DKK2: variants seen among roughly 807,000 people sequenced by gnomAD.
DKK2 encodes dickkopf Wnt signaling pathway inhibitor 2, also known as dickkopf-related protein 2.
In DKK2, 11 loss-of-function variants were observed where a neutral mutation model predicts 28.1. The observed-to-expected ratio is 0.39, with a 90% CI of 0.25 to 0.65. DKK2 has a LOEUF of 0.65. Among genes scored for constraint, DKK2 ranks in the 30% least tolerant of loss-of-function variants. DKK2 has a pLI of 0.47. For missense variants in DKK2, 326 were observed against 335.5 expected (o/e 0.97, Z 0.22); for synonymous variants, 135 against 126.5 (o/e 1.07, Z -0.45).
chr4:106,938,475 C>A (rs1724635852), intron 1 of DKK2, among the ~76,000 whole-genome samples: 2 of 152,134 alleles, frequency 1.3e-5, no homozygotes, highest in Non-Finnish European at 2.9e-5. Context: ...TGGCAATAAT[C>A]AATAGCTTAC....
intron 1 of DKK2, among the ~76,000 whole-genome samples, chr4:106,980,604 A>C (rs1182395960): frequency 1.3e-5 from 2 of 152,084 alleles, no homozygotes. Context: ...AAGTAATACA[A>C]TTTTTCTATA....
chr4:107,029,418 A>T (rs1723843290), intron 1 of DKK2, among the ~76,000 whole-genome samples: 1 of 152,196 alleles, frequency 6.6e-6, no homozygotes, highest in African/African-American at 2.4e-5. Context: ...ATTTATAAAA[A>T]TAAGGATGAT....
intron 1 of DKK2, among the ~76,000 whole-genome samples, chr4:106,937,014 G>A (rs1724600389): frequency 6.6e-6 from 1 of 152,088 alleles, no homozygotes; most frequent in Admixed American, 6.6e-5. Context: ...GCAAAATCAT[G>A]CCAAAATGTA....
At chr4:106,984,026 A>G (rs199920754) in intron 1 of DKK2, among the ~76,000 whole-genome samples, 1 of 152,312 alleles carries the variant, frequency 6.6e-6, no homozygotes, top group African/African-American at 2.4e-5. Context: ...GGAAAATGGC[A>G]CAGCCACTCT....
At chr4:107,011,863 T>C (rs956754581) in intron 1 of DKK2, among the ~76,000 whole-genome samples, 3 of 151,356 alleles carry the variant, frequency 2.0e-5, no homozygotes, top group African/African-American at 7.2e-5. Flanking sequence ...AAAAAGCAAA[T>C]AGCACCTTAG....
chr4:107,025,560 C>T (rs1339326621), intron 1 of DKK2, among the ~76,000 whole-genome samples: 3 of 152,160 alleles, frequency 2.0e-5, no homozygotes, highest in Non-Finnish European at 2.9e-5. Flanking sequence ...CTAGTTAGCA[C>T]TTGGAAAAAG....
rs1352848504 is a variant in DKK2, at chr4:107,036,040, C to T, written c.-449G>A. On this transcript the variant is annotated 5_prime_UTR_variant, in exon 1 of 4. Transcript: ENST00000285311. ...TCCTTCAACTCAGTTGCTTTTCTCT[C>T]CTCTCTTTTCCTATCCTTTATGTGT... The T allele has an allele frequency of 1.1e-5, 2 of 185,776 alleles. No homozygotes were observed. The highest frequency in any genetic ancestry group is 2.3e-5 in the Non-Finnish European group (2 of 88,596). The allele number at this position is 185,776 out of a possible 1,614,324, so 11.5% of individuals were successfully genotyped here. A position where few individuals can be genotyped will look rare whatever the true frequency, so the allele number is the denominator to read the frequency against.
At chr4:106,926,246 AC>A (rs1465992268) in intron 1 of DKK2, among the ~76,000 whole-genome samples, 3 of 152,090 alleles carry the variant, frequency 2.0e-5, no homozygotes, top group African/African-American at 7.2e-5. Context: ...CTTATGTGTG[AC>A]TTTGGGGTCT....
At position 106,921,894 on chromosome 4, in the gene DKK2, A is replaced by T. The variant is rs1321133387; in HGVS notation, c.*2060T>A. 6.6e-6 allele frequency: 1 copy of T among 152,648 alleles called. No homozygotes were observed. The highest frequency in any genetic ancestry group is 1.5e-5 in the Non-Finnish European group (1 of 68,024). The allele number at this position is 152,648 out of a possible 1,614,324, so 9.5% of individuals were successfully genotyped here. A position where few individuals can be genotyped will look rare whatever the true frequency, so the allele number is the denominator to read the frequency against. On this transcript the variant is annotated 3_prime_UTR_variant, in exon 4 of 4. Transcript: ENST00000285311. Reference sequence around the variant, plus strand: ...TCAATAGCTGCAAATATATTCTGCTACAAAGCTTTCTGTAAGAAATATCTC... The same window carrying T: ...TCAATAGCTGCAAATATATTCTGCTTCAAAGCTTTCTGTAAGAAATATCTC...
chr4:106,992,889 T>G (rs1453299762), intron 1 of DKK2, among the ~76,000 whole-genome samples: 2 of 152,218 alleles, frequency 1.3e-5, no homozygotes, highest in South Asian at 2.1e-4. Flanking sequence ...GTTGCATAGA[T>G]GTCTAACTGG....
chr4:107,023,809 A>AAACCTATT (rs1723730578), intron 1 of DKK2, among the ~76,000 whole-genome samples: 1 of 152,096 alleles, frequency 6.6e-6, no homozygotes, highest in Admixed American at 6.6e-5. Flanking sequence ...AAAACCAATA[A>AAACCTATT]AACCTATTAA....
chr4:106,995,071 A>T (rs1027380456), intron 1 of DKK2, among the ~76,000 whole-genome samples: 40 of 152,250 alleles, frequency 2.6e-4, no homozygotes, highest in African/African-American at 8.7e-4. Flanking sequence ...ATTACCTAAA[A>T]TATTAATTTA....
At chr4:106,970,614 G>T (rs114974644) in intron 1 of DKK2, among the ~76,000 whole-genome samples, 1,672 of 152,084 alleles carry the variant, frequency 0.011, 26 homozygotes, top group African/African-American at 0.037. Context: ...CTCAATAGGT[G>T]TTTCCAGTTT....
intron 1 of DKK2, among the ~76,000 whole-genome samples, chr4:106,984,590 A>C: frequency 6.6e-6 from 1 of 152,186 alleles, no homozygotes; most frequent in East Asian, 1.9e-4. Flanking sequence ...TTTCATTTTT[A>C]AGGCCAAATA....
intron 1 of DKK2, among the ~76,000 whole-genome samples, chr4:106,968,050 C>T (rs777620139): frequency 2.7e-4 from 36 of 132,900 alleles, no homozygotes; most frequent in Admixed American, 9.4e-4. Context: ...AGGGAGAAAA[C>T]GGAGGAATGA....
At chr4:106,944,752 C>T (rs1364481181) in intron 1 of DKK2, among the ~76,000 whole-genome samples, 1 of 152,062 alleles carries the variant, frequency 6.6e-6, no homozygotes, top group African/African-American at 2.4e-5. Context: ...TAGCTGTACA[C>T]TGTACATTTA....
intron 1 of DKK2, among the ~76,000 whole-genome samples, chr4:106,965,580 C>T (rs1722764903): frequency 1.3e-5 from 2 of 151,874 alleles, no homozygotes; most frequent in Non-Finnish European, 2.9e-5. Context: ...TCCAGTGGTA[C>T]TTATAGTAAT....
intron 1 of DKK2, among the ~76,000 whole-genome samples, chr4:107,009,142 T>TTC (rs1368098904): frequency 4.6e-5 from 7 of 151,906 alleles, no homozygotes; most frequent in Non-Finnish European, 1.0e-4. Context: ...CATACAGGCA[T>TTC]TATAGATTAC....
chr4:107,035,323 G>A (rs1004543352), intron 1 of DKK2, 47 bp downstream of exon 1: 27 of 1,599,660 alleles, frequency 1.7e-5, no homozygotes, highest in Admixed American at 3.3e-5. Flanking sequence ...CAAGAGAGCT[G>A]GCCCCTGCCT....
Sources: allele counts gnomAD v4.1 joint callset (sites outside exome capture counted in the v4.1 genomes callset), GRCh38; gene constraint gnomAD v4.1.1; transcripts MANE v1.5; gene names NCBI Gene and HGNC (gene_info 2026-07-23, HGNC 2026-07-21).